Variants in ZNF496 observed in about 807,000 individuals in gnomAD.
ZNF496 encodes NSD1 (nuclear receptor binding SET-domain containing 1)-interacting zinc finger protein 1.
Under a neutral mutation model 58.9 loss-of-function variants are expected in ZNF496, and 11 were observed. That is an observed-to-expected ratio of 0.19 (90% confidence interval 0.12 to 0.31). ZNF496 has a LOEUF of 0.31. Ranked by LOEUF, ZNF496 falls within the 10% of genes least tolerant of loss-of-function variation. The probability of loss-of-function intolerance (pLI) is 1.00; values close to 1 mark genes in which losing one functional copy is unlikely to be tolerated. For missense variants in ZNF496, 660 were observed against 783.0 expected (o/e 0.84, Z 1.88); for synonymous variants, 338 against 318.2 (o/e 1.06, Z -0.66).
At position 247,309,044 on chromosome 1, in the gene ZNF496, G is replaced by A. The variant is rs1008988669; in HGVS notation, c.893-456C>T. On this transcript the variant is annotated intron_variant, in intron 8 of 9. Transcript: ENST00000682384. The surrounding 1 kb of genome is among the most constrained non-coding windows in gnomAD (Gnocchi z 4.3). ...AACGCTTGTTCCAGGTGGGGATGGT[G>A]TGTCAAAACCTTGTCTGCTTCATGC... 2 of 180,210 alleles carry A rather than the reference G, an allele frequency of 1.1e-5. No homozygotes were observed. The highest frequency in any genetic ancestry group is 2.4e-5 in the African/African-American group (1 of 41,924). The allele number at this position is 180,210 out of a possible 1,614,324, so 11.2% of individuals were successfully genotyped here. A position where few individuals can be genotyped will look rare whatever the true frequency, so the allele number is the denominator to read the frequency against.
At chr1:247,323,972 A>G (rs908428569) in intron 5 of ZNF496, among the ~76,000 whole-genome samples, 18 of 151,170 alleles carry the variant, frequency 1.2e-4, no homozygotes, top group African/African-American at 4.1e-4. Flanking sequence ...AAAACTGGGA[A>G]GCTGAAACAG....
chr1:247,305,142 T>C (rs1358152327), intron 9 of ZNF496, among the ~76,000 whole-genome samples: 3 of 151,924 alleles, frequency 2.0e-5, no homozygotes, highest in Non-Finnish European at 4.4e-5. Context: ...TGACGACATA[T>C]GGGTGGGTGG....
intron 9 of ZNF496, among the ~76,000 whole-genome samples, chr1:247,304,243 CAGG>C (rs1474764360): frequency 1.3e-5 from 2 of 152,164 alleles, no homozygotes; most frequent in East Asian, 3.9e-4. Flanking sequence ...AGTACAGGCT[CAGG>C]AGGTGAAGTC....
rs1259886511 is a variant in ZNF496, at chr1:247,308,921, C to G, written c.893-333G>C. On this transcript the variant is annotated intron_variant, in intron 8 of 9. Coordinates refer to ENST00000682384, the MANE Select transcript of ZNF496 (RefSeq NM_032752.3). The surrounding 1 kb of genome is among the most constrained non-coding windows in gnomAD (Gnocchi z 4.5). ...GGTGGGTTTTCTATAGTCATCACCA[C>G]AGGCTCCTGCACACTCCGCACATCC... is the stretch of plus-strand genomic sequence containing the variant. 1 of 346,042 alleles carries G rather than the reference C, an allele frequency of 2.9e-6. No individual in the cohort carries two copies. The highest frequency in any genetic ancestry group is 5.6e-6 in the Non-Finnish European group (1 of 178,566). 21.4% of individuals were successfully genotyped at this position (346,042 alleles called of 1,614,324 possible). A position where few individuals can be genotyped will look rare whatever the true frequency, so the allele number is the denominator to read the frequency against.
At position 247,310,248 on chromosome 1, in the gene ZNF496, G is replaced by A. The variant is rs1462540287; in HGVS notation, c.784+76C>T. ...CGCTTCCCTGATCCTATGGGACGAAGTTGACTCTTACTCCAAGTGAGAACT... is the reference window on the plus strand; with the variant it reads ...CGCTTCCCTGATCCTATGGGACGAAATTGACTCTTACTCCAAGTGAGAACT... On this transcript the variant is annotated intron_variant, in intron 7 of 9. Transcript: ENST00000682384. 4.8e-5 allele frequency: 77 copies of A among 1,594,196 alleles called. No individual in the cohort carries two copies. In the East Asian group the frequency reaches 1.7e-3, roughly 35 times the overall value.
chr1:247,303,654 T>G (rs1659317209), intron 9 of ZNF496, among the ~76,000 whole-genome samples: 1 of 152,228 alleles, frequency 6.6e-6, no homozygotes, highest in South Asian at 2.1e-4. Context: ...ACTCGGATAC[T>G]GAGCTGAGGA....
intron 9 of ZNF496, among the ~76,000 whole-genome samples, chr1:247,306,908 C>T (rs1001406316): frequency 1.3e-5 from 2 of 152,140 alleles, no homozygotes; most frequent in African/African-American, 4.8e-5. Flanking sequence ...ATCATGCCAC[C>T]TATCTCAGAA....
In ZNF496 at chr1:247,298,248, G is replaced by C. The variant is rs976779577; in HGVS notation, c.*2271C>G. The C allele has an allele frequency of 6.6e-6, 1 of 151,990 alleles. No individual in the cohort carries two copies. Among genetic ancestry groups the C allele is most frequent in the African/African-American group, 2.4e-5 (1 of 41,354 alleles). 9.4% of individuals were successfully genotyped at this position (151,990 alleles called of 1,614,324 possible). A position where few individuals can be genotyped will look rare whatever the true frequency, so the allele number is the denominator to read the frequency against. ...ACCAAATGATTTTATTGCATTTACT[G>C]CTCCTGGGCATGCAGATGCATCTAC... On this transcript the variant is annotated 3_prime_UTR_variant, in exon 10 of 10. Coordinates refer to ENST00000682384, the MANE Select transcript of ZNF496 (RefSeq NM_032752.3).
chr1:247,304,651 C>T (rs1343547549), intron 9 of ZNF496, among the ~76,000 whole-genome samples: 1 of 152,162 alleles, frequency 6.6e-6, no homozygotes, highest in Non-Finnish European at 1.5e-5. Flanking sequence ...GGATTATAGG[C>T]ACGAGCCACA....
chr1:247,320,370 A>G (rs1218746315), intron 6 of ZNF496, among the ~76,000 whole-genome samples: 1 of 152,226 alleles, frequency 6.6e-6, no homozygotes, highest in Admixed American at 6.5e-5. Context: ...AAAACAGCCA[A>G]TCCCCAAAGG....
At chr1:247,319,839 C>T (rs191271706) in intron 6 of ZNF496, among the ~76,000 whole-genome samples, 12 of 152,238 alleles carry the variant, frequency 7.9e-5, no homozygotes, top group Middle Eastern at 3.4e-3. Context: ...AAGAGAACTG[C>T]TTGAACCCAG....
At chr1:247,312,169 T>C (rs1282710193) in intron 6 of ZNF496, 1 of 152,214 alleles carries the variant, frequency 6.6e-6, no homozygotes, top group African/African-American at 2.4e-5. Context: ...CTTCTCTCTT[T>C]TCACATTTCA....
At chr1:247,317,572 C>T (rs1350878615) in intron 6 of ZNF496, among the ~76,000 whole-genome samples, 1 of 73,342 alleles carries the variant, frequency 1.4e-5, no homozygotes. Flanking sequence ...AAGAACAAGC[C>T]CCCCCCCCGC....
chr1:247,326,880 T>C (rs1401877090), intron 5 of ZNF496, among the ~76,000 whole-genome samples: 1 of 152,122 alleles, frequency 6.6e-6, no homozygotes, highest in Admixed American at 6.5e-5. Flanking sequence ...AGGTGTCTGT[T>C]ACACCTGCTC....
intron 6 of ZNF496, among the ~76,000 whole-genome samples, chr1:247,316,148 GT>G (rs1659762000): frequency 7.1e-6 from 1 of 140,718 alleles, no homozygotes; most frequent in African/African-American, 2.6e-5. Flanking sequence ...GTGTGTGTGT[GT>G]GTGTGTGTGT....
At chr1:247,327,686 G>C (rs1423062530) in intron 5 of ZNF496, among the ~76,000 whole-genome samples, 1 of 152,148 alleles carries the variant, frequency 6.6e-6, no homozygotes. Context: ...TTACTGAAAA[G>C]CTTATCATAA....
Position 247,322,827 on chromosome 1 carries a change from A to C in ZNF496, c.651+327T>G, listed in dbSNP as rs543130396. 16 of 1,305,290 alleles carry C rather than the reference A, an allele frequency of 1.2e-5. No homozygotes were observed. In the East Asian group the frequency reaches 6.3e-4, roughly 52 times the overall value. The allele number at this position is 1,305,290 out of a possible 1,614,324, so 80.9% of individuals were successfully genotyped here. On this transcript the variant is annotated intron_variant, in intron 6 of 9. Transcript: ENST00000682384. ...TTCTCTGTAAAATAAAAGAGCAGAG[A>C]GATCTCCTTTTTCACAAGAGGGGAA... is the stretch of plus-strand genomic sequence containing the variant.
Position 247,314,565 on chromosome 1 carries a change from A to G in ZNF496, c.652-4109T>C, listed in dbSNP as rs181069707. Among the ~76,000 whole-genome samples the G allele has an allele frequency of 2.1e-3, 323 of 151,968 alleles. 1 individual carries two copies. The highest frequency in any genetic ancestry group is 4.6e-3 in the African/African-American group (191 of 41,290). ...AATAAAATTTTTGTGGAAAAAAGAA[A>G]AGTAACTCAAAGGACTTTTATATTA... On this transcript the variant is annotated intron_variant, in intron 6 of 9. Transcript: ENST00000682384.
rs1405438143 is a variant in ZNF496 at position 247,328,742 on chromosome 1, G to T, written c.515C>A (p.Thr172Asn). ...LAKNQDAQPI[T>N]LAQCLGLPSR... ...TGGGAGCCCCAGGCACTGTGCCAGG[G>T]TTATGGGCTGGGCATCCTGGTTCTT... The change falls in exon 5 of 10, where the codon ACC (threonine) becomes AAC (asparagine). Residue 172 changes from threonine to asparagine, a missense_variant. Physicochemically the swap from Thr to Asn is moderately conservative, Grantham distance 65 (BLOSUM62 0). Transcript: ENST00000682384. The T allele has an allele frequency of 1.2e-6, 2 of 1,613,414 alleles. No individual in the cohort carries two copies. Among genetic ancestry groups the T allele is most frequent in the Non-Finnish European group, 1.7e-6 (2 of 1,179,718 alleles).
Sources: allele counts gnomAD v4.1 joint callset (sites outside exome capture counted in the v4.1 genomes callset), GRCh38; gene constraint gnomAD v4.1.1; non-coding constraint Gnocchi (gnomAD v3.1); transcripts MANE v1.5; gene names NCBI Gene and HGNC (gene_info 2026-07-23, HGNC 2026-07-21).